The following ZNF804B variants were observed in gnomAD, a reference collection of about 807,000 sequenced individuals.
ZNF804B encodes zinc finger protein 804B.
ZNF804B carries 80 observed loss-of-function variants against 101.4 expected under a neutral mutation model. The ratio of observed to expected loss-of-function variants is 0.79; its 90% CI spans 0.66 to 0.95. The LOEUF (loss-of-function observed/expected upper bound fraction) is 0.95, where lower values mean the gene tolerates loss of function less well. Ranked by LOEUF, ZNF804B falls within the 40% of genes least tolerant of loss-of-function variation. The pLI is 0.00. For synonymous variants in ZNF804B, 622 were observed against 558.8 expected (o/e 1.11, Z -1.59); for missense variants, 1,673 against 1,561.9 (o/e 1.07, Z -1.20).
intron 1 of ZNF804B, among the ~76,000 whole-genome samples, chr7:89,176,323 A>G (rs1252704035): frequency 6.6e-6 from 1 of 151,946 alleles, no homozygotes; most frequent in Non-Finnish European, 1.5e-5. Flanking sequence ...GAATTTTATG[A>G]AATGTCTTGT....
intron 1 of ZNF804B, among the ~76,000 whole-genome samples, chr7:89,001,977 AC>A (rs1167184276): frequency 1.3e-5 from 2 of 151,652 alleles, no homozygotes; most frequent in Non-Finnish European, 2.9e-5. Context: ...ATATTTTAAA[AC>A]ATAAAAATCA....
chr7:89,280,865 A>G (rs557345970), intron 2 of ZNF804B, among the ~76,000 whole-genome samples: 82 of 152,338 alleles, frequency 5.4e-4, no homozygotes, highest in African/African-American at 1.9e-3. Context: ...AAACTATTCC[A>G]ATCAATAGAA....
intron 1 of ZNF804B, among the ~76,000 whole-genome samples, chr7:89,141,580 C>G (rs1390465021): frequency 6.6e-6 from 1 of 152,006 alleles, no homozygotes; most frequent in Non-Finnish European, 1.5e-5. Flanking sequence ...TATGCCTAGA[C>G]ATGGTATTGC....
intron 1 of ZNF804B, among the ~76,000 whole-genome samples, chr7:88,900,486 T>C (rs2115951497): frequency 6.6e-6 from 1 of 150,742 alleles, no homozygotes; most frequent in Admixed American, 6.7e-5. Context: ...ACAGTATTTT[T>C]CCATTTGATC....
chr7:88,964,859 G>C (rs1438206447), intron 1 of ZNF804B, among the ~76,000 whole-genome samples: 1 of 151,264 alleles, frequency 6.6e-6, no homozygotes, highest in Non-Finnish European at 1.5e-5. Flanking sequence ...ACAGCTGCAA[G>C]GAAGTCTTGC....
At chr7:89,168,682 C>CTTTTT (rs372503661) in intron 1 of ZNF804B, among the ~76,000 whole-genome samples, 14 of 115,780 alleles carry the variant, frequency 1.2e-4, no homozygotes, top group Admixed American at 2.0e-4. Flanking sequence ...GAGCTGAATA[C>CTTTTT]TTTTTTTTTT....
chr7:89,330,958 C>T (rs1374794651), intron 3 of ZNF804B, among the ~76,000 whole-genome samples: 1 of 150,666 alleles, frequency 6.6e-6, no homozygotes, highest in Non-Finnish European at 1.5e-5. Context: ...ATGAATAAAA[C>T]AGTGTCAGGA....
intron 1 of ZNF804B, among the ~76,000 whole-genome samples, chr7:88,862,392 A>G (rs943683118): frequency 6.6e-6 from 1 of 152,158 alleles, no homozygotes. Context: ...GCATCTGAGT[A>G]TTTATGTCAA....
At chr7:89,284,791 A>C (rs1790156735) in intron 2 of ZNF804B, among the ~76,000 whole-genome samples, 1 of 152,178 alleles carries the variant, frequency 6.6e-6, no homozygotes, top group Non-Finnish European at 1.5e-5. Flanking sequence ...AATGCTAACA[A>C]AGGATGGTGT....
Position 88,969,243 on chromosome 7 carries a change from T to G in ZNF804B, c.108+209159T>G, listed in dbSNP as rs992571795. 4.3e-4 allele frequency among the ~76,000 whole-genome samples: 66 copies of G among 151,764 alleles called. 1 individual carries two copies. The highest frequency in any genetic ancestry group is 1.3e-4 in the Non-Finnish European group (9 of 67,742). On this transcript the variant is annotated intron_variant, in intron 1 of 3. Transcript: ENST00000333190. ...AATAATAATAAAGATTCTGGGAGTC[T>G]TAGTCACTCTCTTGTTGTTATAGCA...
At chr7:88,854,548 T>G (rs1228173438) in intron 1 of ZNF804B, among the ~76,000 whole-genome samples, 1 of 126,132 alleles carries the variant, frequency 7.9e-6, no homozygotes, top group Non-Finnish European at 1.6e-5. Context: ...CCTTCCTTCC[T>G]TCCTTCCTTC....
intron 2 of ZNF804B, among the ~76,000 whole-genome samples, chr7:89,321,339 C>T (rs1380228232): frequency 1.3e-5 from 2 of 151,918 alleles, no homozygotes; most frequent in Non-Finnish European, 2.9e-5. Flanking sequence ...ATTAGCCAGG[C>T]GTGGTGGCAG....
intron 1 of ZNF804B, among the ~76,000 whole-genome samples, chr7:89,200,898 C>T (rs1309698511): frequency 6.6e-6 from 1 of 151,908 alleles, no homozygotes; most frequent in Non-Finnish European, 1.5e-5. Context: ...TTTCATCATA[C>T]TTCTCATGTA....
intron 3 of ZNF804B, among the ~76,000 whole-genome samples, chr7:89,329,508 C>T (rs1790945377): frequency 6.6e-6 from 1 of 151,544 alleles, no homozygotes; most frequent in African/African-American, 2.4e-5. Context: ...TAGGATGATC[C>T]AGGTAACACA....
chr7:88,794,233 A>G, intron 1 of ZNF804B: 2 of 1,613,442 alleles, frequency 1.2e-6, no homozygotes, highest in Non-Finnish European at 1.7e-6. Flanking sequence ...AGTGATGTGT[A>G]TGGGTCTATT....
rs192328766 is a variant in ZNF804B at position 89,329,058 on chromosome 7, T to C, written c.380+1584T>C. Among the ~76,000 whole-genome samples the C allele has an allele frequency of 3.9e-3, 596 of 151,772 alleles. 1 individual carries two copies. Among genetic ancestry groups the C allele is most frequent in the Non-Finnish European group, 5.9e-3 (397 of 67,748 alleles). ...TTCCAAGTTTGCTAGAGCTACCCAT[T>C]AAGTTTCTTTCAAATAAAAAGGTCC... On this transcript the variant is annotated intron_variant, in intron 3 of 3. Transcript: ENST00000333190.
At chr7:89,301,781 G>A (rs1032187925) in intron 2 of ZNF804B, among the ~76,000 whole-genome samples, 5 of 151,808 alleles carry the variant, frequency 3.3e-5, no homozygotes, top group Admixed American at 6.6e-5. Context: ...TAATAGATGC[G>A]TGACCCCAGC....
intron 1 of ZNF804B, among the ~76,000 whole-genome samples, chr7:89,061,183 G>A (rs998532608): frequency 1.3e-5 from 2 of 152,038 alleles, no homozygotes; most frequent in African/African-American, 4.8e-5. Flanking sequence ...CTATTTTATG[G>A]TTAATGTAGC....
At chr7:88,984,060 T>C (rs150091151) in intron 1 of ZNF804B, among the ~76,000 whole-genome samples, 323 of 152,206 alleles carry the variant, frequency 2.1e-3, no homozygotes, top group Non-Finnish European at 3.5e-3. Context: ...GAAAATAACT[T>C]ACCTAACTTT....
Sources: allele counts gnomAD v4.1 joint callset (sites outside exome capture counted in the v4.1 genomes callset), GRCh38; gene constraint gnomAD v4.1.1; transcripts MANE v1.5; gene names NCBI Gene and HGNC (gene_info 2026-07-23, HGNC 2026-07-21).